Variants in YLPM1 observed in about 807,000 individuals in gnomAD.
YLPM1 encodes YLP motif containing 1, also known as YLP motif-containing protein 1.
YLPM1 carries 99 observed loss-of-function variants against 230.0 expected under a neutral mutation model. The observed-to-expected ratio is 0.43, with a 90% CI of 0.37 to 0.51. YLPM1 has a LOEUF of 0.51. Ranked by LOEUF, YLPM1 falls within the 20% of genes least tolerant of loss-of-function variation. The pLI, the probability that YLPM1 is intolerant of heterozygous loss-of-function variation, is 0.00. For synonymous variants in YLPM1, 984 were observed against 942.5 expected, an observed-to-expected ratio of 1.04 and a Z score of -0.81; for missense variants, 2,592 against 2,707.7, an observed-to-expected ratio of 0.96 and a Z score of 0.95.
chr14:74,781,252 C>A, intron 3 of YLPM1, 82 bp from the exon 4 acceptor site: 1 of 1,405,060 alleles, frequency 7.1e-7, no homozygotes, highest in South Asian at 1.6e-5. Context: ...GCGTCAAATG[C>A]CCTTGATTCA....
In YLPM1 at chr14:74,836,449, T is replaced by G. The variant is rs537013561; in HGVS notation, c.*711T>G. On this transcript the variant is annotated 3_prime_UTR_variant, in exon 21 of 21. Coordinates refer to ENST00000325680, the MANE Select transcript of YLPM1 (RefSeq NM_019589.3). Reference sequence around the variant, plus strand: ...AAATATTCATCAGTTCCCTGGAGCATATCCATTCTGTAACATGATGCTTTA... The same window carrying G: ...AAATATTCATCAGTTCCCTGGAGCAGATCCATTCTGTAACATGATGCTTTA... 5.9e-5 allele frequency: 9 copies of G among 152,374 alleles called. No individual in the cohort carries two copies. Among genetic ancestry groups the G allele is most frequent in the Admixed American group, 1.3e-4 (2 of 15,308 alleles). The allele number at this position is 152,374 out of a possible 1,614,324, so 9.4% of individuals were successfully genotyped here.
intron 18 of YLPM1, among the ~76,000 whole-genome samples, chr14:74,825,751 G>A (rs2091556532): frequency 6.6e-6 from 1 of 152,046 alleles, no homozygotes; most frequent in South Asian, 2.1e-4. Flanking sequence ...TAGTTAAGGG[G>A]AATGTAAAAG....
intron 18 of YLPM1, among the ~76,000 whole-genome samples, 197 bp downstream of exon 18, chr14:74,824,504 C>T (rs561923593): frequency 2.6e-5 from 4 of 152,050 alleles, no homozygotes; most frequent in Admixed American, 1.3e-4. Flanking sequence ...GAACTGCTTT[C>T]AATACTATTT....
intron 4 of YLPM1, among the ~76,000 whole-genome samples, chr14:74,797,260 T>C (rs28437946): frequency 0.12 from 18,452 of 151,244 alleles, 1,755 homozygotes; most frequent in African/African-American, 0.27. Context: ...CAAAGTGCTG[T>C]GATTACAAGT....
chr14:74,829,416 C>G, intron 19 of YLPM1, 73 bp downstream of exon 19: 1 of 1,583,408 alleles, frequency 6.3e-7, no homozygotes, highest in Non-Finnish European at 8.6e-7. Context: ...AAGTTACAGG[C>G]AGATGATCAC....
At chr14:74,783,588 C>T (rs983716969) in intron 4 of YLPM1, among the ~76,000 whole-genome samples, 3 of 152,102 alleles carry the variant, frequency 2.0e-5, no homozygotes, top group African/African-American at 7.2e-5. Context: ...CTTATTTTTC[C>T]ACCAATCTGC....
chr14:74,767,452 G>A (rs1420219903), intron 1 of YLPM1, among the ~76,000 whole-genome samples: 1 of 152,182 alleles, frequency 6.6e-6, no homozygotes, highest in Non-Finnish European at 1.5e-5. Context: ...TCTTAGTATA[G>A]ATCAGGGTTT....
At chr14:74,782,862 C>A (rs1038906412) in intron 4 of YLPM1, among the ~76,000 whole-genome samples, 1 of 151,990 alleles carries the variant, frequency 6.6e-6, no homozygotes, top group African/African-American at 2.4e-5. Context: ...AATTCCTGCC[C>A]CCATGGAGCT....
intron 19 of YLPM1, among the ~76,000 whole-genome samples, chr14:74,834,021 T>C (rs1448291444): frequency 6.6e-6 from 1 of 152,124 alleles, no homozygotes; most frequent in Non-Finnish European, 1.5e-5. Flanking sequence ...TTTTACAGAA[T>C]ATGTATATCT....
At position 74,782,336 on chromosome 14, in the gene YLPM1, T is replaced by C. The variant is rs180844696; in HGVS notation, c.2282+11T>C. ...TCCAAGAGGCCCAAGGTAGGTCTGC[T>C]TTTTTTTCTCTTTTTTTTTGGTTTG... On this transcript the variant is annotated intron_variant, in intron 4 of 20. Coordinates refer to ENST00000325680, the MANE Select transcript of YLPM1 (RefSeq NM_019589.3). 8.7e-6 allele frequency: 13 copies of C among 1,488,110 alleles called. No individual in the cohort carries two copies. The East Asian group carries it at 3.0e-4, about 34-fold the overall frequency. The allele number at this position is 1,488,110 out of a possible 1,614,324, so 92.2% of individuals were successfully genotyped here. A position where few individuals can be genotyped will look rare whatever the true frequency, so the allele number is the denominator to read the frequency against.
In YLPM1 at chr14:74,798,297, G is replaced by A. The variant is rs771430469; in HGVS notation, c.3000G>A (p.Leu1000=). ...PHSENNQDKG[L]PRPDNRDNRL... ...CAGAAAACAACCAAGATAAAGGCCT[G>A]CCTCGGCCAGATAATAGAGATAATA... The change falls in exon 5 of 21, where the codon CTG becomes CTA. Residue 1000 remains leucine, a synonymous_variant. Coordinates refer to ENST00000325680, the MANE Select transcript of YLPM1 (RefSeq NM_019589.3). 1 of 1,613,818 alleles carries A rather than the reference G, an allele frequency of 6.2e-7. No homozygotes were observed. Among genetic ancestry groups the A allele is most frequent in the African/African-American group, 1.3e-5 (1 of 74,896 alleles).
chr14:74,766,578 C>G (rs569624677), intron 1 of YLPM1, among the ~76,000 whole-genome samples: 1 of 151,944 alleles, frequency 6.6e-6, no homozygotes, highest in African/African-American at 2.4e-5. Context: ...CCTCTGCCTC[C>G]CAGGCTCAAG....
chr14:74,813,419 C>CTT (rs956277926), intron 11 of YLPM1, among the ~76,000 whole-genome samples: 6 of 146,950 alleles, frequency 4.1e-5, no homozygotes, highest in Non-Finnish European at 6.0e-5. Context: ...ATGGTTGGAT[C>CTT]TTTTTTTTTT....
chr14:74,820,535 A>T (rs2091512939), intron 16 of YLPM1, among the ~76,000 whole-genome samples: 1 of 152,102 alleles, frequency 6.6e-6, no homozygotes. Context: ...GGCGTGAGCC[A>T]CTGTGCCCAG....
chr14:74,778,822 C>T, intron 2 of YLPM1, 139 bp downstream of exon 2: 1 of 673,720 alleles, frequency 1.5e-6, no homozygotes, highest in Non-Finnish European at 2.5e-6. Flanking sequence ...AATCAGATGT[C>T]TGTTGTATCA....
At chr14:74,818,436 A>G in intron 16 of YLPM1, 122 bp downstream of exon 16, 1 of 660,652 alleles carries the variant, frequency 1.5e-6, no homozygotes, top group Non-Finnish European at 2.3e-6. Flanking sequence ...ACACCTACTG[A>G]TATGCCTTTC....
chr14:74,804,160 TCAAAA>T (rs907987166), intron 6 of YLPM1, among the ~76,000 whole-genome samples: 11 of 151,982 alleles, frequency 7.2e-5, no homozygotes, highest in Non-Finnish European at 1.3e-4. Context: ...CATCTCAAAA[TCAAAA>T]CAAAACAAAA....
intron 1 of YLPM1, among the ~76,000 whole-genome samples, chr14:74,773,604 T>G (rs752759697): frequency 6.6e-6 from 1 of 151,998 alleles, no homozygotes; most frequent in Non-Finnish European, 1.5e-5. Context: ...AACTGAAGGA[T>G]AAGTCTGTTG....
In YLPM1 at chr14:74,809,633, A is replaced by G; in HGVS notation, c.4775A>G (p.Asn1592Ser). 1 of 1,614,064 alleles carries G rather than the reference A, an allele frequency of 6.2e-7. No individual in the cohort carries two copies. The highest frequency in any genetic ancestry group is 8.5e-7 in the Non-Finnish European group (1 of 1,179,896). The change falls in exon 7 of 21, where the codon AAT becomes AGT. Residue 1592 changes from asparagine to serine, a missense_variant. Coordinates refer to ENST00000325680, the MANE Select transcript of YLPM1 (RefSeq NM_019589.3). ...LWDTNDEQGL[N>S]SEFKSETAAI... Reference sequence around the variant, plus strand: ...GATACAAATGATGAACAAGGACTGAATTCAGAATTTAAGTCAGAAACTGCA... The same window carrying G: ...GATACAAATGATGAACAAGGACTGAGTTCAGAATTTAAGTCAGAAACTGCA...
Sources: allele counts gnomAD v4.1 joint callset (sites outside exome capture counted in the v4.1 genomes callset), GRCh38; gene constraint gnomAD v4.1.1; transcripts MANE v1.5; gene names NCBI Gene and HGNC (gene_info 2026-07-23, HGNC 2026-07-21).